The following PLCE1 variants were observed in gnomAD, a reference collection of about 807,000 sequenced individuals.
PLCE1 encodes phospholipase C epsilon 1, also known as 1-phosphatidylinositol 4,5-bisphosphate phosphodiesterase epsilon-1.
PLCE1 carries 119 observed loss-of-function variants against 242.8 expected under a neutral mutation model. The ratio of observed to expected loss-of-function variants is 0.49; its 90% CI spans 0.42 to 0.57. PLCE1 has a LOEUF of 0.57. PLCE1 is among the 20% of genes least tolerant of loss of function. The pLI is 0.00. For synonymous variants in PLCE1, 945 were observed against 1,017.4 expected, an observed-to-expected ratio of 0.93 and a Z score of 1.35; for missense variants, 2,441 against 2,788.8, an observed-to-expected ratio of 0.88 and a Z score of 2.81.
At chr10:94,276,016 T>G (rs1011855827) in intron 19 of PLCE1, among the ~76,000 whole-genome samples, 2 of 152,218 alleles carry the variant, frequency 1.3e-5, no homozygotes, top group Admixed American at 1.3e-4. Context: ...TCTGCTCTTC[T>G]TGGTTTTGGT....
intron 32 of PLCE1, chr10:94,325,359 G>A (rs1454360010): frequency 3.3e-5 from 13 of 388,724 alleles, no homozygotes; most frequent in South Asian, 2.8e-4. Flanking sequence ...AGCACTTTGG[G>A]AGGCCAAGGC....
chr10:94,104,883 A>G (rs1590032204), intron 2 of PLCE1: 1 of 152,192 alleles, frequency 6.6e-6, no homozygotes, highest in East Asian at 1.9e-4. Context: ...TATCTGAGTA[A>G]CCTATTTTCA....
At chr10:94,245,906 T>C in intron 7 of PLCE1, 40 bp from the exon 8 acceptor site, 1 of 1,546,368 alleles carries the variant, frequency 6.5e-7, no homozygotes, top group African/African-American at 1.4e-5. Flanking sequence ...TGTTCTCACT[T>C]GATTATAAGA....
chr10:94,207,334 C>A (rs1174936769), intron 4 of PLCE1, among the ~76,000 whole-genome samples: 1 of 152,062 alleles, frequency 6.6e-6, no homozygotes, highest in Non-Finnish European at 1.5e-5. Flanking sequence ...AGTAAATAAG[C>A]AAATATATTT....
chr10:94,234,064 G>A lies in PLCE1; in HGVS notation c.1966G>A (p.Val656Ile). Residue 656 changes from valine to isoleucine, a missense_variant, in exon 6 of 33, where the codon GTT becomes ATT. By Grantham distance (29) the Val-to-Ile change is conservative (BLOSUM62 3). This residue lies in a region of PLCE1 where 733 missense variants were observed against 754.2 expected (regional missense o/e 0.97). Transcript: ENST00000371380. ...ATTTACTTGCAATAGGTCAAGAAAA[G>A]TTTTAAAAATGTGGCAGTTCATGGA... ...EFLAGLRSRK[V>I]LKMWQFMDQS... is the part of the protein sequence containing the mutation. 1.2e-6 allele frequency: 2 copies of A among 1,613,794 alleles called. No homozygotes were observed. The highest frequency in any genetic ancestry group is 2.7e-5 in the African/African-American group (2 of 75,030).
At chr10:94,116,603 G>A (rs1441943802) in intron 2 of PLCE1, among the ~76,000 whole-genome samples, 1 of 152,168 alleles carries the variant, frequency 6.6e-6, no homozygotes, top group Non-Finnish European at 1.5e-5. Flanking sequence ...GCTGAGGCAG[G>A]AGAATTGCTT....
chr10:94,155,850 A>G (rs969548948), intron 3 of PLCE1: 3 of 151,930 alleles, frequency 2.0e-5, no homozygotes, highest in Non-Finnish European at 2.9e-5. Flanking sequence ...CAGTGGCGCA[A>G]TCATAGCTCA....
intron 12 of PLCE1, 36 bp from the exon 13 acceptor site, chr10:94,258,978 A>C: frequency 6.2e-7 from 1 of 1,614,098 alleles, no homozygotes; most frequent in Non-Finnish European, 8.5e-7. Context: ...TTCTATAAAG[A>C]TACTCAATGA....
At chr10:94,010,629 A>G (rs1039712362) in intron 1 of PLCE1, among the ~76,000 whole-genome samples, 1 of 152,206 alleles carries the variant, frequency 6.6e-6, no homozygotes, top group Non-Finnish European at 1.5e-5. Context: ...GTAGGCTGTT[A>G]GAAGCAGTCA....
At position 94,246,105 on chromosome 10, in the gene PLCE1, C is replaced by A; in HGVS notation, c.2580C>A (p.Phe860Leu). ...VLSIQADVHQ[F>L]LLQGATVIHY... ...CCATCCAAGCCGATGTGCACCAGTT[C>A]CTGCTGCAGGGGGCCACGGTCATCC... The change falls in exon 8 of 33, where the codon TTC (phenylalanine) becomes TTA (leucine). Residue 860 changes from phenylalanine to leucine, a missense_variant. Coordinates refer to ENST00000371380, the MANE Select transcript of PLCE1 (RefSeq NM_016341.4). The A allele has an allele frequency of 4.3e-6, 7 of 1,614,142 alleles. No homozygotes were observed. The highest frequency in any genetic ancestry group is 5.9e-6 in the Non-Finnish European group (7 of 1,180,008).
intron 2 of PLCE1, among the ~76,000 whole-genome samples, chr10:94,056,018 T>C (rs1041879932): frequency 2.6e-5 from 4 of 152,244 alleles, no homozygotes; most frequent in African/African-American, 9.6e-5. Flanking sequence ...TCTGAGGTGC[T>C]GCTTAGTTGA....
intron 2 of PLCE1, among the ~76,000 whole-genome samples, chr10:94,119,422 G>T (rs1007387894): frequency 1.2e-4 from 19 of 152,070 alleles, no homozygotes; most frequent in Non-Finnish European, 2.5e-4. Flanking sequence ...GAACAGAAAT[G>T]GTTCTGGCCT....
At chr10:94,286,505 G>A (rs562521229) in intron 22 of PLCE1, among the ~76,000 whole-genome samples, 57 of 152,140 alleles carry the variant, frequency 3.7e-4, no homozygotes, top group Non-Finnish European at 7.2e-4. Flanking sequence ...TCACAGTTAG[G>A]TAATAGTGAG....
intron 19 of PLCE1, among the ~76,000 whole-genome samples, chr10:94,276,413 T>A (rs1006653824): frequency 6.6e-6 from 1 of 152,204 alleles, no homozygotes; most frequent in Non-Finnish European, 1.5e-5. Flanking sequence ...AGTACATTAA[T>A]AAGAATAATC....
chr10:94,197,674 G>C (rs2797990), intron 4 of PLCE1, among the ~76,000 whole-genome samples: 1 of 152,238 alleles, frequency 6.6e-6, no homozygotes, highest in Non-Finnish European at 1.5e-5. Context: ...ACAATGAAGC[G>C]TGACATTAAG....
chr10:94,031,668 T>C lies in PLCE1; in HGVS notation c.622T>C (p.Leu208=), dbSNP rs747506187. The C allele has an allele frequency of 2.5e-6, 4 of 1,613,794 alleles. No individual in the cohort carries two copies. Among genetic ancestry groups the C allele is most frequent in the African/African-American group, 1.3e-5 (1 of 74,910 alleles). ...CACTTTCTGTACCCTATCAGAAAAC[T>C]TAATTTTAGACGATTGTGGAAATTG... The part of the protein sequence containing the change: ...SDTFCTLSEN[L]ILDDCGNCVP... Residue 208 remains leucine (L), a synonymous_variant, in exon 2 of 33, where the codon TTA becomes CTA. Transcript: ENST00000371380.
intron 2 of PLCE1, among the ~76,000 whole-genome samples, chr10:94,125,251 G>T (rs985075335): frequency 6.6e-6 from 1 of 152,114 alleles, no homozygotes; most frequent in African/African-American, 2.4e-5. Flanking sequence ...AGTGATGGAG[G>T]GATTGTGACT....
chr10:94,004,316 C>A (rs2060994034), intron 1 of PLCE1, among the ~76,000 whole-genome samples: 3 of 151,970 alleles, frequency 2.0e-5, no homozygotes, highest in Non-Finnish European at 4.4e-5. Flanking sequence ...GAGCAGCAAA[C>A]CTGCAAGATG....
chr10:94,053,728 G>A (rs2134833412), intron 2 of PLCE1, among the ~76,000 whole-genome samples: 1 of 152,296 alleles, frequency 6.6e-6, no homozygotes, highest in Admixed American at 6.5e-5. Flanking sequence ...CCAGGACTAG[G>A]GTTTGGGATT....
Sources: gnomAD v4.1 joint callset for allele counts (sites outside exome capture counted in the v4.1 genomes callset) on GRCh38, gnomAD v4.1.1 for gene constraint, gnomAD v4.1.1 regional missense constraint, MANE v1.5 for transcripts, NCBI Gene and HGNC (gene_info 2026-07-23, HGNC 2026-07-21) for gene names.